The following PKNOX2 variants were observed in gnomAD, a reference collection of about 807,000 sequenced individuals.
The protein encoded by PKNOX2 is PBX/knotted 1 homeobox 2, also known as homeobox protein PKNOX2.
Under a neutral mutation model 53.1 loss-of-function variants are expected in PKNOX2, and 14 were observed. The ratio of observed to expected loss-of-function variants is 0.26; its 90% confidence interval spans 0.17 to 0.41. PKNOX2 has a LOEUF of 0.41. PKNOX2 is among the 10% of genes least tolerant of loss of function. The pLI, the probability that PKNOX2 is intolerant of heterozygous loss-of-function variation, is 1.00. For synonymous variants in PKNOX2, 257 were observed against 242.8 expected (o/e 1.06, Z -0.54); for missense variants, 496 against 602.8 (o/e 0.82, Z 1.85).
At chr11:125,301,285 C>T (rs1246405841) in intron 2 of PKNOX2, among the ~76,000 whole-genome samples, 3 of 152,054 alleles carry the variant, frequency 2.0e-5, no homozygotes, top group African/African-American at 4.8e-5. Flanking sequence ...CTCAGGTGTT[C>T]GAGATCCTCC....
Position 125,212,449 on chromosome 11 carries a change from CTT to C in PKNOX2, c.-200-22574_-200-22573del, listed in dbSNP as rs796083611. ...CTGGACAGAAGAATAGGAGGGGATT[CTT>C]TTTTTTTTTTTTTTTTTTTTTGAGA... On this transcript the variant is annotated intron_variant, in intron 1 of 12. Coordinates refer to ENST00000298282, the MANE Select transcript of PKNOX2 (RefSeq NM_001382323.2). Among the ~76,000 whole-genome samples the C allele has an allele frequency of 2.0e-3, 214 of 105,390 alleles. 2 individuals carry two copies. The highest frequency in any genetic ancestry group is 0.01 in the South Asian group (29 of 2,764). The allele number at this position is 105,390 out of a possible 152,430, so 69.1% of individuals were successfully genotyped here.
chr11:125,286,967 CAT>C (rs1181817983), intron 2 of PKNOX2, among the ~76,000 whole-genome samples: 2 of 152,218 alleles, frequency 1.3e-5, no homozygotes, highest in Non-Finnish European at 2.9e-5. Flanking sequence ...CCCAGGAAAA[CAT>C]GTGCTGCACG....
intron 2 of PKNOX2, among the ~76,000 whole-genome samples, chr11:125,315,579 G>C (rs1379828428): frequency 6.6e-6 from 1 of 152,146 alleles, no homozygotes. Context: ...CCCACCCCAG[G>C]GTGCAGCTGG....
chr11:125,173,085 C>G (rs901148386), intron 1 of PKNOX2, among the ~76,000 whole-genome samples: 6 of 152,204 alleles, frequency 3.9e-5, no homozygotes, highest in Non-Finnish European at 5.9e-5. Flanking sequence ...CATCACTTAA[C>G]CCCTCTGAGC....
intron 7 of PKNOX2, among the ~76,000 whole-genome samples, chr11:125,401,575 C>T (rs1301015077): frequency 2.6e-5 from 4 of 152,204 alleles, no homozygotes; most frequent in Non-Finnish European, 4.4e-5. Context: ...CACACTCACA[C>T]GTCTCTTAAG....
At chr11:125,421,914 G>T (rs1956194572) in intron 10 of PKNOX2, among the ~76,000 whole-genome samples, 2 of 152,202 alleles carry the variant, frequency 1.3e-5, no homozygotes, top group Middle Eastern at 3.4e-3. Context: ...GGTGTAGAGG[G>T]CTCCTGCCCT....
At chr11:125,298,932 G>A (rs1947841779) in intron 2 of PKNOX2, among the ~76,000 whole-genome samples, 1 of 152,166 alleles carries the variant, frequency 6.6e-6, no homozygotes, top group South Asian at 2.1e-4. Flanking sequence ...CCTGTGTTAG[G>A]CTATTCTTGC....
intron 3 of PKNOX2, among the ~76,000 whole-genome samples, chr11:125,332,309 A>G (rs961231091): frequency 6.6e-6 from 1 of 152,056 alleles, no homozygotes; most frequent in Non-Finnish European, 1.5e-5. Flanking sequence ...GGGGTTCCTT[A>G]AAAATGCAGT....
At chr11:125,276,085 TGAG>T (rs1342928644) in intron 2 of PKNOX2, among the ~76,000 whole-genome samples, 1 of 152,122 alleles carries the variant, frequency 6.6e-6, no homozygotes, top group Non-Finnish European at 1.5e-5. Context: ...GAAAGTTTTT[TGAG>T]ATCAGCAATT....
intron 7 of PKNOX2, among the ~76,000 whole-genome samples, chr11:125,405,092 C>G (rs1351506026): frequency 6.6e-6 from 1 of 152,182 alleles, no homozygotes; most frequent in East Asian, 1.9e-4. Flanking sequence ...GGGCTGGCTC[C>G]GCACTGCACC....
At chr11:125,394,920 C>T (rs1169446231) in intron 6 of PKNOX2, among the ~76,000 whole-genome samples, 1 of 152,148 alleles carries the variant, frequency 6.6e-6, no homozygotes, top group African/African-American at 2.4e-5. Flanking sequence ...AGGAACAATC[C>T]ACCAACTGTA....
At position 125,431,200 on chromosome 11, in the gene PKNOX2, C is replaced by T. The variant is rs774563222; in HGVS notation, c.1227C>T (p.Ser409=). The T allele has an allele frequency of 1.2e-6, 2 of 1,613,786 alleles. No homozygotes were observed. Among genetic ancestry groups the T allele is most frequent in the Non-Finnish European group, 1.7e-6 (2 of 1,179,872 alleles). The change falls in exon 13 of 13, where the codon TCC becomes TCT. Residue 409 remains serine, a synonymous_variant. Coordinates refer to ENST00000298282, the MANE Select transcript of PKNOX2 (RefSeq NM_001382323.2). ...SINLDNLQSL[S]SDSATMAMQQ... ...ACTTGGACAACCTGCAGTCCCTGTC[C>T]TCAGACAGTGCCACCATGGCCATGC...
chr11:125,413,111 C>T (rs1955661198), intron 10 of PKNOX2, among the ~76,000 whole-genome samples: 1 of 152,216 alleles, frequency 6.6e-6, no homozygotes, highest in Admixed American at 6.5e-5. Flanking sequence ...GGGGCTGCCC[C>T]AGTGGTTTGC....
chr11:125,313,622 C>T (rs548618304), intron 2 of PKNOX2, among the ~76,000 whole-genome samples: 1 of 152,188 alleles, frequency 6.6e-6, no homozygotes, highest in African/African-American at 2.4e-5. Context: ...AGGCAGACAA[C>T]CCTGGCTTGA....
intron 5 of PKNOX2, among the ~76,000 whole-genome samples, chr11:125,378,765 A>G (rs1218639035): frequency 6.6e-6 from 1 of 152,186 alleles, no homozygotes; most frequent in Non-Finnish European, 1.5e-5. Flanking sequence ...TCACCCAGAA[A>G]GAGAACTCAG....
rs1469658971 is a variant in PKNOX2 at position 125,175,231 on chromosome 11, GGAAGGAAGGAAGGAAGGAAA to G, written c.-201+10470_-201+10489del. ...GAGAAGGAAGGAAGGAAGGAAGGAA[GGAAGGAAGGAAGGAAGGAAA>G]GAAGGAAGGAAGGAGGGAGAGCTTC... is the stretch of plus-strand genomic sequence containing the variant. On this transcript the variant is annotated intron_variant, in intron 1 of 12. Transcript: ENST00000298282. Among the ~76,000 whole-genome samples the G allele has an allele frequency of 1.5e-3, 231 of 149,306 alleles. 3 individuals are homozygous for G. The highest frequency in any genetic ancestry group is 9.1e-3 in the Admixed American group (137 of 15,102).
In PKNOX2 at chr11:125,165,746, T is replaced by C. The variant is rs1287645289; in HGVS notation, c.-201+970T>C. Among the ~76,000 whole-genome samples, 1 of 152,068 alleles carries C rather than the reference T, an allele frequency of 6.6e-6. No individual in the cohort carries two copies. Among genetic ancestry groups the C allele is most frequent in the Non-Finnish European group, 1.5e-5 (1 of 67,982 alleles). On this transcript the variant is annotated intron_variant, in intron 1 of 12. Transcript: ENST00000298282. This position sits in a 1 kb window ranked among gnomAD's most constrained non-coding sequence, Gnocchi z 4.5. ...GCGGGCGTAGGGGCCCGCGCGAGGC[T>C]TGGGAATCGGGAGCCCTTCTGGCTC...
At chr11:125,369,157 C>A (rs933958653) in intron 5 of PKNOX2, among the ~76,000 whole-genome samples, 1 of 152,226 alleles carries the variant, frequency 6.6e-6, no homozygotes, top group African/African-American at 2.4e-5. Context: ...CTCAGATAAG[C>A]CGAATGCCTC....
At chr11:125,238,673 T>C (rs1942925011) in intron 2 of PKNOX2, among the ~76,000 whole-genome samples, 1 of 152,228 alleles carries the variant, frequency 6.6e-6, no homozygotes, top group African/African-American at 2.4e-5. Flanking sequence ...TAGTTATATC[T>C]AAATGGGCCT....
Sources: gnomAD v4.1 joint callset for allele counts (sites outside exome capture counted in the v4.1 genomes callset) on GRCh38, gnomAD v4.1.1 for gene constraint, Gnocchi (gnomAD v3.1) non-coding constraint, MANE v1.5 for transcripts, NCBI Gene and HGNC (gene_info 2026-07-23, HGNC 2026-07-21) for gene names.